ZYG11A: variants seen among roughly 807,000 people sequenced by gnomAD.
ZYG11A encodes protein zyg-11 homolog A.
Under a neutral mutation model 77.2 loss-of-function variants are expected in ZYG11A, and 62 were observed. The ratio of observed to expected loss-of-function variants is 0.80; its 90% CI spans 0.65 to 0.99. The LOEUF is 0.99. ZYG11A is among the 50% of genes least tolerant of loss of function. The pLI is 0.00. For missense variants in ZYG11A, 828 were observed against 896.8 expected, an observed-to-expected ratio of 0.92 and a Z score of 0.98; for synonymous variants, 315 against 324.6, an observed-to-expected ratio of 0.97 and a Z score of 0.32.
rs1013803949 is a variant in ZYG11A at position 52,857,629 on chromosome 1, T to C, written c.888T>C (p.Asn296=). The C allele has an allele frequency of 2.2e-5, 34 of 1,551,934 alleles. No individual in the cohort carries two copies. Among genetic ancestry groups the C allele is most frequent in the African/African-American group, 1.1e-4 (8 of 73,042 alleles). Residue 296 remains asparagine (N), a synonymous_variant, in exon 3 of 14, where the codon AAT becomes AAC. Coordinates refer to ENST00000371528, the MANE Select transcript of ZYG11A (RefSeq NM_001004339.3). ...TGTCATTGGATATTTCTGGGGGCAA[T>C]TGCATCACTGATGAAGCTGTAGAAC... is the stretch of plus-strand genomic sequence containing the variant. ...NVVSLDISGG[N]CITDEAVELF... is the part of the protein sequence containing the mutation.
Position 52,852,368 on chromosome 1 carries a change from ATT to A in ZYG11A, c.91-2079_91-2078del, listed in dbSNP as rs35540943. Among the ~76,000 whole-genome samples, 831 of 134,040 alleles carry A rather than the reference ATT, an allele frequency of 6.2e-3. 5 individuals are homozygous for A. The highest frequency in any genetic ancestry group is 8.2e-3 in the Non-Finnish European group (509 of 62,300). The allele number at this position is 134,040 out of a possible 152,430, so 87.9% of individuals were successfully genotyped here. A position where few individuals can be genotyped will look rare whatever the true frequency, so the allele number is the denominator to read the frequency against. On this transcript the variant is annotated intron_variant, in intron 1 of 13. Transcript: ENST00000371528. ...GGCCCGACAGTTAATTTTAGAGCAAATTTTTTTTTTTTTTTTTTTGAGGTAGA... is the reference window on the plus strand; with the variant it reads ...GGCCCGACAGTTAATTTTAGAGCAAATTTTTTTTTTTTTTTTTGAGGTAGA...
intron 13 of ZYG11A, 133 bp from the exon 14 acceptor site, chr1:52,892,649 C>T (rs1646565612): frequency 4.1e-6 from 3 of 738,494 alleles, no homozygotes; most frequent in African/African-American, 1.8e-5. Context: ...AGAATTGACT[C>T]ATTTTATCTG....
intron 13 of ZYG11A, among the ~76,000 whole-genome samples, chr1:52,892,160 A>C (rs1273942609): frequency 2.1e-5 from 3 of 144,656 alleles, no homozygotes; most frequent in African/African-American, 7.7e-5. Context: ...CGGCCTCCCA[A>C]AGTGCTGGGA....
intron 10 of ZYG11A, among the ~76,000 whole-genome samples, chr1:52,879,911 C>T (rs373795976): frequency 1.7e-4 from 26 of 151,632 alleles, no homozygotes; most frequent in Admixed American, 1.6e-3. Context: ...TGCAAGCATG[C>T]GCCACCACGC....
At chr1:52,888,909 G>A (rs1226686927) in intron 13 of ZYG11A, among the ~76,000 whole-genome samples, 1 of 152,170 alleles carries the variant, frequency 6.6e-6, no homozygotes, top group Non-Finnish European at 1.5e-5. Flanking sequence ...TGCCATGAGT[G>A]GTTCTGACGT....
In ZYG11A at chr1:52,881,904, C is replaced by CT. The variant is rs140988580; in HGVS notation, c.1944+252dup. 2.2e-3 allele frequency among the ~76,000 whole-genome samples: 309 copies of CT among 140,020 alleles called. 6 individuals carry two copies. Among genetic ancestry groups the CT allele is most frequent in the East Asian group, 0.019 (91 of 4,814 alleles). 91.9% of individuals were successfully genotyped at this position (140,020 alleles called of 152,430 possible). The stretch of plus-strand genomic sequence containing the variant: ...AAAACTATTTACTTTATTGATGTTT[C>CT]TTTTTTTTTTTTTGAGACAGGGTCT... On this transcript the variant is annotated intron_variant, in intron 11 of 13. Transcript: ENST00000371528.
chr1:52,847,400 A>G (rs1175954274), intron 1 of ZYG11A, among the ~76,000 whole-genome samples: 5 of 151,046 alleles, frequency 3.3e-5, no homozygotes, highest in Admixed American at 3.3e-4. Flanking sequence ...GGGTTTCTCC[A>G]TGTTGGTCAG....
rs1645777926 is a variant in ZYG11A, at chr1:52,854,779, TG to T, written c.256+151del. Reference sequence around the variant, plus strand: ...ACTCACTCTTTCTGGGATTCCATGATGGAAATTGTCTTCTAGGCTAGCCCTG... The same window carrying T: ...ACTCACTCTTTCTGGGATTCCATGATGAAATTGTCTTCTAGGCTAGCCCTG... On this transcript the variant is annotated intron_variant, in intron 2 of 13. Coordinates refer to ENST00000371528, the MANE Select transcript of ZYG11A (RefSeq NM_001004339.3). 8 of 883,276 alleles carry T rather than the reference TG, an allele frequency of 9.1e-6. No homozygotes were observed. The South Asian group carries it at 2.2e-4, about 24-fold the overall frequency. 54.7% of individuals were successfully genotyped at this position (883,276 alleles called of 1,614,324 possible). A position where few individuals can be genotyped will look rare whatever the true frequency, so the allele number is the denominator to read the frequency against.
At chr1:52,855,667 A>G (rs1384384525) in intron 2 of ZYG11A, among the ~76,000 whole-genome samples, 1 of 152,208 alleles carries the variant, frequency 6.6e-6, no homozygotes, top group Non-Finnish European at 1.5e-5. Context: ...ATCATCCAAT[A>G]TGTGGCCTTG....
intron 12 of ZYG11A, 88 bp downstream of exon 12, chr1:52,885,982 G>A: frequency 1.0e-6 from 1 of 992,844 alleles, no homozygotes; most frequent in South Asian, 1.8e-5. Context: ...GCCCAGGCTG[G>A]AGTGCAGTGG....
chr1:52,856,944 T>A, intron 2 of ZYG11A, 54 bp from the exon 3 acceptor site: 9 of 1,462,184 alleles, frequency 6.2e-6, no homozygotes, highest in Non-Finnish European at 8.1e-6. Context: ...CATTTTATCC[T>A]GGAAAGACAT....
intron 5 of ZYG11A, among the ~76,000 whole-genome samples, chr1:52,864,828 A>AT (rs1645995813): frequency 5.7e-5 from 7 of 123,732 alleles, no homozygotes; most frequent in Non-Finnish European, 1.2e-4. Context: ...TTTTTTTTGT[A>AT]TTTTTAGTAG....
chr1:52,880,304 A>G (rs1472759296), intron 10 of ZYG11A, among the ~76,000 whole-genome samples: 2 of 152,088 alleles, frequency 1.3e-5, no homozygotes, highest in South Asian at 2.1e-4. Context: ...ATGTGCCTCA[A>G]TATACTAGTG....
rs1209379905 is a variant in ZYG11A at position 52,877,862 on chromosome 1, G to A, written c.1704+19G>A. ...CTTGGAGGTGGGAAGACAGGATTGA[G>A]TTTATATGTAAAGTTCTTCTCTTCA... On this transcript the variant is annotated intron_variant, in intron 9 of 13. Coordinates refer to ENST00000371528, the MANE Select transcript of ZYG11A (RefSeq NM_001004339.3). 6.4e-6 allele frequency: 10 copies of A among 1,550,914 alleles called. No homozygotes were observed. Among genetic ancestry groups the A allele is most frequent in the African/African-American group, 2.7e-5 (2 of 72,934 alleles).
Position 52,878,097 on chromosome 1 carries a change from T to G in ZYG11A, c.1749+128T>G. 3.9e-6 allele frequency: 3 copies of G among 768,588 alleles called. No homozygotes were observed. In the Admixed American group the frequency reaches 7.5e-5, roughly 19 times the overall value. The allele number at this position is 768,588 out of a possible 1,614,324, so 47.6% of individuals were successfully genotyped here. A position where few individuals can be genotyped will look rare whatever the true frequency, so the allele number is the denominator to read the frequency against. On this transcript the variant is annotated intron_variant, in intron 10 of 13. Coordinates refer to ENST00000371528, the MANE Select transcript of ZYG11A (RefSeq NM_001004339.3). ...GTATAAACTCATTTAATCTTTACAT[T>G]AGCCCTACAGAGTAAATACTATTGT...
In ZYG11A at chr1:52,892,939, G is replaced by C; in HGVS notation, c.2262G>C (p.Leu754=). Residue 754 remains leucine (L), a synonymous_variant, in exon 14 of 14, where the codon CTG becomes CTC. Coordinates refer to ENST00000371528, the MANE Select transcript of ZYG11A (RefSeq NM_001004339.3). ...TCATGAATTATCAGAGGCCCACTCT[G>C]TGTCAAATGCCCTTCTGAACCTAAG... ...MHFMNYQRPT[L]CQMPF The C allele has an allele frequency of 6.4e-7, 1 of 1,551,812 alleles. No individual in the cohort carries two copies. The highest frequency in any genetic ancestry group is 1.2e-5 in the South Asian group (1 of 84,060).
chr1:52,846,263 A>G (rs1162830367), intron 1 of ZYG11A, among the ~76,000 whole-genome samples: 2 of 143,912 alleles, frequency 1.4e-5, no homozygotes, highest in East Asian at 4.4e-4. Context: ...GCTGTTCTCA[A>G]CTAAGCTAGT....
intron 13 of ZYG11A, among the ~76,000 whole-genome samples, chr1:52,892,569 T>A (rs371049566): frequency 6.6e-6 from 1 of 151,964 alleles, no homozygotes; most frequent in Admixed American, 6.6e-5. Flanking sequence ...TAGAGTTGTC[T>A]GGAAGTAAAC....
At chr1:52,847,079 C>A (rs979076935) in intron 1 of ZYG11A, among the ~76,000 whole-genome samples, 1 of 151,482 alleles carries the variant, frequency 6.6e-6, no homozygotes, top group Non-Finnish European at 1.5e-5. Flanking sequence ...AACTCCCGAC[C>A]TCAGGTGTTT....
Sources: gnomAD v4.1 joint callset for allele counts (sites outside exome capture counted in the v4.1 genomes callset) on GRCh38, gnomAD v4.1.1 for gene constraint, MANE v1.5 for transcripts, NCBI Gene and HGNC (gene_info 2026-07-23, HGNC 2026-07-21) for gene names.